The following EPHA3 variants were observed in gnomAD, a reference collection of about 807,000 sequenced individuals.
EPHA3 encodes the protein EPH receptor A3.
In EPHA3, 42 loss-of-function variants were observed where a neutral mutation model predicts 107.1. That is an observed-to-expected ratio of 0.39 (90% CI 0.31 to 0.51). The LOEUF (loss-of-function observed/expected upper bound fraction) is 0.51, where lower values mean the gene tolerates loss of function less well. Among genes scored for constraint, EPHA3 ranks in the 20% least tolerant of loss-of-function variants. EPHA3 has a pLI of 0.78. For synonymous variants in EPHA3, 461 were observed against 424.8 expected (o/e 1.09, Z -1.05); for missense variants, 1,183 against 1,211.2 (o/e 0.98, Z 0.35).
chr3:89,249,675 G>T (rs796928032), intron 3 of EPHA3, among the ~76,000 whole-genome samples: 33 of 152,042 alleles, frequency 2.2e-4, no homozygotes, highest in African/African-American at 7.7e-4. Flanking sequence ...TGCCCTCACT[G>T]GCCTCAAACT....
At chr3:89,203,484 A>G (rs1175999795) in intron 2 of EPHA3, among the ~76,000 whole-genome samples, 1 of 152,016 alleles carries the variant, frequency 6.6e-6, no homozygotes, top group Non-Finnish European at 1.5e-5. Flanking sequence ...AAAATAACTT[A>G]AAGCTCCGGC....
chr3:89,325,156 T>A (rs1707137808), intron 3 of EPHA3, among the ~76,000 whole-genome samples: 2 of 152,188 alleles, frequency 1.3e-5, no homozygotes, highest in Non-Finnish European at 2.9e-5. Context: ...GTGATGAACA[T>A]AAGAGTTCAT....
intron 3 of EPHA3, among the ~76,000 whole-genome samples, chr3:89,317,280 C>G (rs985627083): frequency 1.1e-4 from 16 of 151,700 alleles, no homozygotes; most frequent in Admixed American, 7.9e-4. Flanking sequence ...TATCAGCTAG[C>G]AGGAAGAAAG....
At chr3:89,119,550 G>A (rs764006173) in intron 1 of EPHA3, among the ~76,000 whole-genome samples, 4 of 152,018 alleles carry the variant, frequency 2.6e-5, no homozygotes, top group East Asian at 1.9e-4. Flanking sequence ...GAGTTTGTTC[G>A]TGTGTGTGTG....
At chr3:89,274,392 T>C (rs1230186846) in intron 3 of EPHA3, among the ~76,000 whole-genome samples, 3 of 151,972 alleles carry the variant, frequency 2.0e-5, no homozygotes, top group Non-Finnish European at 4.4e-5. Flanking sequence ...ACTCAAACAT[T>C]AACTGACTGA....
In EPHA3 at chr3:89,481,751, G is replaced by T. The variant is rs528186426; in HGVS notation, c.*2249G>T. 2.2e-4 allele frequency: 50 copies of T among 231,548 alleles called. No individual in the cohort carries two copies. Among genetic ancestry groups the T allele is most frequent in the Admixed American group, 9.6e-4 (17 of 17,698 alleles). The allele number at this position is 231,548 out of a possible 1,614,324, so 14.3% of individuals were successfully genotyped here. ...TGTACATATGTAAACATAAGTGTAC[G>T]ATTCTTAACCATGGAGTAGAGGTAC... On this transcript the variant is annotated 3_prime_UTR_variant, in exon 17 of 17. Transcript: ENST00000336596.
intron 3 of EPHA3, among the ~76,000 whole-genome samples, chr3:89,278,174 T>G (rs565566385): frequency 5.3e-5 from 8 of 152,172 alleles, no homozygotes; most frequent in Admixed American, 1.3e-4. Context: ...TTATATATAT[T>G]TCCTGCTTTA....
intron 15 of EPHA3, among the ~76,000 whole-genome samples, chr3:89,450,959 A>G (rs1422857085): frequency 1.3e-5 from 2 of 152,170 alleles, no homozygotes; most frequent in Admixed American, 1.3e-4. Context: ...ATGAATAAAG[A>G]AGTCCTGATT....
At chr3:89,297,804 G>T (rs1161741122) in intron 3 of EPHA3, among the ~76,000 whole-genome samples, 1 of 152,114 alleles carries the variant, frequency 6.6e-6, no homozygotes, top group Admixed American at 6.6e-5. Flanking sequence ...GGAGGCCGAG[G>T]TGGGCAGATC....
At chr3:89,337,639 C>T (rs1388867045) in intron 3 of EPHA3, among the ~76,000 whole-genome samples, 1 of 152,148 alleles carries the variant, frequency 6.6e-6, no homozygotes, top group Admixed American at 6.5e-5. Context: ...AATGTCTGTC[C>T]CTAAACTGTG....
At chr3:89,123,540 A>G (rs528902730) in intron 1 of EPHA3, among the ~76,000 whole-genome samples, 1 of 152,316 alleles carries the variant, frequency 6.6e-6, no homozygotes, top group East Asian at 1.9e-4. Context: ...CTTAGTGCCC[A>G]TCTGAAAGTC....
intron 3 of EPHA3, among the ~76,000 whole-genome samples, chr3:89,232,258 G>A (rs1704654733): frequency 6.6e-6 from 1 of 152,052 alleles, no homozygotes; most frequent in South Asian, 2.1e-4. Context: ...AGAATGAAGA[G>A]CAAAAAAATT....
chr3:89,430,606 T>C (rs892742535), intron 12 of EPHA3, among the ~76,000 whole-genome samples: 1 of 152,154 alleles, frequency 6.6e-6, no homozygotes, highest in Non-Finnish European at 1.5e-5. Context: ...TTTAGTTTCT[T>C]ATTGCTTTCT....
chr3:89,434,108 C>G (rs1307618516), intron 13 of EPHA3, among the ~76,000 whole-genome samples: 1 of 151,986 alleles, frequency 6.6e-6, no homozygotes, highest in Non-Finnish European at 1.5e-5. Flanking sequence ...CAGAAAAATA[C>G]TTTTAGGTTA....
chr3:89,227,073 C>T (rs748003946), intron 3 of EPHA3, among the ~76,000 whole-genome samples: 16 of 152,028 alleles, frequency 1.1e-4, no homozygotes, highest in Non-Finnish European at 2.1e-4. Flanking sequence ...AGACTTGTTA[C>T]TCAGGTGTCC....
chr3:89,274,050 T>A (rs1417101309), intron 3 of EPHA3, among the ~76,000 whole-genome samples: 1 of 151,926 alleles, frequency 6.6e-6, no homozygotes, highest in Non-Finnish European at 1.5e-5. Context: ...AGAACATGCA[T>A]GTCAGGCAAC....
chr3:89,220,140 A>G (rs1704335711), intron 3 of EPHA3, among the ~76,000 whole-genome samples: 1 of 152,148 alleles, frequency 6.6e-6, no homozygotes, highest in Non-Finnish European at 1.5e-5. Flanking sequence ...ATGCAGACCA[A>G]CATATAAATA....
intron 2 of EPHA3, among the ~76,000 whole-genome samples, chr3:89,156,903 T>C (rs1426379358): frequency 2.0e-5 from 3 of 151,292 alleles, no homozygotes; most frequent in Non-Finnish European, 4.4e-5. Context: ...AAAAAAAATG[T>C]AACTAAGGGC....
In EPHA3 at chr3:89,107,845, G is replaced by A. The variant is rs375650268; in HGVS notation, c.88+9G>A. 1.2e-5 allele frequency: 20 copies of A among 1,613,562 alleles called. No individual in the cohort carries two copies. In the African/African-American group the frequency reaches 2.5e-4, roughly 20 times the overall value. On this transcript the variant is annotated intron_variant, in intron 1 of 16. Transcript: ENST00000336596. ...GCAGCCTTCCAATGAAGGTAAGCCA[G>A]GTACCGCGACGCACGGAGCTCTGCC...
Sources: gnomAD v4.1 joint callset for allele counts (sites outside exome capture counted in the v4.1 genomes callset) on GRCh38, gnomAD v4.1.1 for gene constraint, MANE v1.5 for transcripts, NCBI Gene and HGNC (gene_info 2026-07-23, HGNC 2026-07-21) for gene names.